PCCA: variants seen among roughly 807,000 people sequenced by gnomAD.
PCCA encodes the protein propionyl-CoA carboxylase subunit alpha.
A neutral mutation model predicts 101.3 loss-of-function variants in PCCA; 74 were observed. The observed-to-expected ratio is 0.73, with a 90% confidence interval of 0.61 to 0.89. The LOEUF (loss-of-function observed/expected upper bound fraction) is 0.89. PCCA is among the 40% of genes least tolerant of loss of function. PCCA has a pLI of 0.00. For synonymous variants in PCCA, 294 were observed against 313.6 expected (o/e 0.94, Z 0.66); for missense variants, 891 against 907.0 (o/e 0.98, Z 0.23).
intron 20 of PCCA, among the ~76,000 whole-genome samples, chr13:100,442,465 G>GA (rs746600307): frequency 1.6e-4 from 24 of 152,184 alleles, no homozygotes; most frequent in Non-Finnish European, 2.8e-4. Flanking sequence ...TTTTTAATGT[G>GA]AAAATTTGTT....
At chr13:100,097,154 T>C (rs1198344169) in intron 1 of PCCA, among the ~76,000 whole-genome samples, 1 of 152,054 alleles carries the variant, frequency 6.6e-6, no homozygotes, top group Admixed American at 6.5e-5. Context: ...ACACACAAGG[T>C]CGCTATTGTG....
chr13:100,460,284 T>C (rs1247192246), intron 21 of PCCA, among the ~76,000 whole-genome samples: 1 of 152,230 alleles, frequency 6.6e-6, no homozygotes, highest in African/African-American at 2.4e-5. Context: ...TAAGAATAAA[T>C]ATTTTGTTAT....
chr13:100,180,491 C>T (rs2056692497), intron 6 of PCCA, among the ~76,000 whole-genome samples: 1 of 152,186 alleles, frequency 6.6e-6, no homozygotes, highest in Non-Finnish European at 1.5e-5. Flanking sequence ...CTGGATTATT[C>T]AGTATTGAAA....
At chr13:100,228,179 C>T (rs1393041804) in intron 7 of PCCA, among the ~76,000 whole-genome samples, 1 of 152,042 alleles carries the variant, frequency 6.6e-6, no homozygotes, top group Admixed American at 6.6e-5. Flanking sequence ...CCACGCCCAG[C>T]TGATTTTTGT....
At chr13:100,432,403 C>G (rs1159904029) in intron 20 of PCCA, among the ~76,000 whole-genome samples, 1 of 152,114 alleles carries the variant, frequency 6.6e-6, no homozygotes, top group Non-Finnish European at 1.5e-5. Context: ...TTTTGTTAAT[C>G]TTCTGGAAAC....
At chr13:100,142,475 CTTTTT>C (rs772422421) in intron 4 of PCCA, among the ~76,000 whole-genome samples, 2 of 136,314 alleles carry the variant, frequency 1.5e-5, no homozygotes, top group Admixed American at 7.3e-5. Flanking sequence ...AATGAGCCTT[CTTTTT>C]TTTTTTTTTT....
At chr13:100,242,038 C>A (rs2061169173) in intron 8 of PCCA, among the ~76,000 whole-genome samples, 1 of 152,080 alleles carries the variant, frequency 6.6e-6, no homozygotes, top group East Asian at 1.9e-4. Flanking sequence ...ATATCCTTGC[C>A]AACCCTTGTT....
chr13:100,119,683 C>G (rs2049174006), intron 4 of PCCA, among the ~76,000 whole-genome samples: 1 of 152,002 alleles, frequency 6.6e-6, no homozygotes, highest in African/African-American at 2.4e-5. Flanking sequence ...CACAACCTTT[C>G]ACTGAGAATG....
intron 6 of PCCA, among the ~76,000 whole-genome samples, chr13:100,157,664 T>C (rs932323134): frequency 6.6e-6 from 1 of 152,206 alleles, no homozygotes; most frequent in Non-Finnish European, 1.5e-5. Flanking sequence ...TGAGTTATTG[T>C]AGTGATTTAA....
chr13:100,382,810 C>T (rs1405683372), intron 19 of PCCA, among the ~76,000 whole-genome samples: 2 of 151,984 alleles, frequency 1.3e-5, no homozygotes, highest in Non-Finnish European at 2.9e-5. Flanking sequence ...TCCATGTAAA[C>T]AATCTGTACT....
At chr13:100,092,527 C>T (rs1302354033) in intron 1 of PCCA, among the ~76,000 whole-genome samples, 1 of 152,108 alleles carries the variant, frequency 6.6e-6, no homozygotes, top group Non-Finnish European at 1.5e-5. Context: ...GGACCACAGG[C>T]ACGTACGACC....
chr13:100,313,614 T>C (rs540595180), intron 16 of PCCA, among the ~76,000 whole-genome samples: 1 of 152,290 alleles, frequency 6.6e-6, no homozygotes, highest in South Asian at 2.1e-4. Flanking sequence ...CTAATGTTAG[T>C]TTTACAAATG....
At chr13:100,242,939 C>T (rs1594893257) in intron 8 of PCCA, among the ~76,000 whole-genome samples, 1 of 152,032 alleles carries the variant, frequency 6.6e-6, no homozygotes, top group South Asian at 2.1e-4. Context: ...TTCTGTTGCC[C>T]AGGCTGGAGG....
intron 12 of PCCA, among the ~76,000 whole-genome samples, chr13:100,285,859 A>G (rs1263847953): frequency 6.6e-6 from 1 of 152,180 alleles, no homozygotes; most frequent in East Asian, 1.9e-4. Flanking sequence ...ATGGGATACG[A>G]AGGGCAGGTT....
chr13:100,393,522 G>A (rs112495132), intron 19 of PCCA, among the ~76,000 whole-genome samples: 5 of 149,560 alleles, frequency 3.3e-5, no homozygotes, highest in Admixed American at 1.3e-4. Context: ...GGGTTCAAGC[G>A]ATTCTCCTGC....
In PCCA at chr13:100,470,419, A is replaced by C. The variant is rs546548458; in HGVS notation, c.1899+21114A>C. Among the ~76,000 whole-genome samples the C allele has an allele frequency of 2.1e-3, 319 of 152,272 alleles. 1 individual carries two copies. The highest frequency in any genetic ancestry group is 7.2e-3 in the African/African-American group (299 of 41,562). ...AAGGAAAAATTCCAGAGTTTTCTAC[A>C]TTGGCAGCTGCCTCGTCTAAATCAA... is the stretch of plus-strand genomic sequence containing the variant. On this transcript the variant is annotated intron_variant, in intron 21 of 23. Transcript: ENST00000376285.
At chr13:100,218,337 A>C in intron 7 of PCCA, among the ~76,000 whole-genome samples, 1 of 137,220 alleles carries the variant, frequency 7.3e-6, no homozygotes, top group Admixed American at 7.2e-5. Context: ...ATGTCTGGCT[A>C]TGGGTTGTTT....
intron 4 of PCCA, among the ~76,000 whole-genome samples, chr13:100,113,395 CAG>C (rs1374578282): frequency 6.6e-6 from 1 of 152,080 alleles, no homozygotes; most frequent in East Asian, 1.9e-4. Context: ...CTGGATGAGT[CAG>C]GGAGTGATCA....
intron 22 of PCCA, chr13:100,527,432 G>A (rs2087936351): frequency 5.4e-6 from 3 of 559,564 alleles, no homozygotes; most frequent in Admixed American, 2.6e-5. Flanking sequence ...CGCCGCCAGG[G>A]TCCCCACTTC....
Sources: allele counts gnomAD v4.1 joint callset (sites outside exome capture counted in the v4.1 genomes callset), GRCh38; gene constraint gnomAD v4.1.1; transcripts MANE v1.5; gene names NCBI Gene and HGNC (gene_info 2026-07-23, HGNC 2026-07-21).